SNRNP70: variants seen among roughly 807,000 people sequenced by gnomAD.
SNRNP70 encodes small nuclear ribonucleoprotein U1 subunit 70.
A neutral mutation model predicts 50.5 loss-of-function variants in SNRNP70; 8 were observed. The ratio of observed to expected loss-of-function variants is 0.16; its 90% CI spans 0.09 to 0.29. The LOEUF (loss-of-function observed/expected upper bound fraction) is 0.29. Ranked by LOEUF, SNRNP70 falls within the 10% of genes least tolerant of loss-of-function variation. The probability of loss-of-function intolerance (pLI) is 1.00; values close to 1 mark genes in which losing one functional copy is unlikely to be tolerated. For missense variants in SNRNP70, 529 were observed against 663.5 expected (o/e 0.80, Z 2.23); for synonymous variants, 320 against 252.9 (o/e 1.27, Z -2.52).
intron 4 of SNRNP70, 108 bp from the exon 5 acceptor site, chr19:49,098,319 C>T: frequency 1.1e-6 from 1 of 872,452 alleles, no homozygotes; most frequent in Non-Finnish European, 1.8e-6. Context: ...CAGTTAGGGG[C>T]CTCTCCCAAT....
At position 49,104,486 on chromosome 19, in the gene SNRNP70, T is replaced by C; in HGVS notation, c.476-148T>C. Reference sequence around the variant, plus strand: ...TCACCGGTTTGGGAGAGGGTTGGTCTGGCTGTCAGTTGCCTGGCTGTCTGT... The same window carrying C: ...TCACCGGTTTGGGAGAGGGTTGGTCCGGCTGTCAGTTGCCTGGCTGTCTGT... On this transcript the variant is annotated intron_variant, in intron 7 of 9. Coordinates refer to ENST00000598441, the MANE Select transcript of SNRNP70 (RefSeq NM_003089.6). This position sits in a 1 kb window ranked among gnomAD's most constrained non-coding sequence, Gnocchi z 5.4. 1.5e-6 allele frequency: 1 copy of C among 660,318 alleles called. No homozygotes were observed. The highest frequency in any genetic ancestry group is 2.7e-6 in the Non-Finnish European group (1 of 365,606). The allele number at this position is 660,318 out of a possible 1,614,324, so 40.9% of individuals were successfully genotyped here.
In SNRNP70 at chr19:49,098,446, C is replaced by T. The variant is rs374423208; in HGVS notation, c.285C>T (p.Pro95=). Residue 95 remains proline (P), a synonymous_variant, in exon 5 of 10, where the codon CCC becomes CCT. Transcript: ENST00000598441. ...ELKMWDPHND[P]NAQGDAFKTL... ...GCACAGGGGACCCTCACAATGATCC[C>T]AATGCTCAGGGGGATGCCTTCAAGA... 1 of 1,613,620 alleles carries T rather than the reference C, an allele frequency of 6.2e-7. No homozygotes were observed. Among genetic ancestry groups the T allele is most frequent in the South Asian group, 1.1e-5 (1 of 91,026 alleles).
At chr19:49,098,565 C>T in intron 5 of SNRNP70, 74 bp downstream of exon 5, 1 of 1,591,482 alleles carries the variant, frequency 6.3e-7, no homozygotes, top group Non-Finnish European at 8.6e-7. Flanking sequence ...GTCAAATAGG[C>T]TAGGTACAGG....
intron 2 of SNRNP70, among the ~76,000 whole-genome samples, chr19:49,089,369 G>T (rs567735147): frequency 4.8e-4 from 73 of 151,976 alleles, no homozygotes; most frequent in Non-Finnish European, 1.0e-4. Context: ...ACGGGCACAG[G>T]GGGGAAAGCA....
intron 6 of SNRNP70, among the ~76,000 whole-genome samples, chr19:49,100,492 C>T (rs1481431419): frequency 6.6e-6 from 1 of 152,156 alleles, no homozygotes; most frequent in African/African-American, 2.4e-5. Context: ...GTGCACGTGT[C>T]CTTTCTTTTT....
intron 4 of SNRNP70, among the ~76,000 whole-genome samples, chr19:49,097,837 T>C (rs2040531923): frequency 1.3e-5 from 2 of 152,158 alleles, no homozygotes; most frequent in South Asian, 4.1e-4. Flanking sequence ...GAATCTGATC[T>C]GACGCTAGTC....
intron 8 of SNRNP70, among the ~76,000 whole-genome samples, chr19:49,105,241 G>A (rs1162643133): frequency 2.0e-5 from 3 of 152,080 alleles, no homozygotes; most frequent in Admixed American, 2.0e-4. Context: ...TCTGCCCTCT[G>A]AGCCTCCTGC....
Position 49,104,853 on chromosome 19 carries a change from C to A in SNRNP70, c.577+118C>A. 2 of 618,146 alleles carry A rather than the reference C, an allele frequency of 3.2e-6. No individual in the cohort carries two copies. Among genetic ancestry groups the A allele is most frequent in the South Asian group, 4.1e-5 (2 of 48,622 alleles). 38.3% of individuals were successfully genotyped at this position (618,146 alleles called of 1,614,324 possible). A position where few individuals can be genotyped will look rare whatever the true frequency, so the allele number is the denominator to read the frequency against. ...TGCCGGCCCACCTCTCCCATCGCGT[C>A]CTCATCTCCGGCTTCTCTCTCTTGT... is the stretch of plus-strand genomic sequence containing the variant. On this transcript the variant is annotated intron_variant, in intron 8 of 9. Transcript: ENST00000598441. This position sits in a 1 kb window ranked among gnomAD's most constrained non-coding sequence, Gnocchi z 5.4.
In SNRNP70 at chr19:49,108,071, C is replaced by G. The variant is rs756781409; in HGVS notation, c.942C>G (p.Gly314=). The G allele has an allele frequency of 6.4e-7, 1 of 1,552,924 alleles. No homozygotes were observed. Among genetic ancestry groups the G allele is most frequent in the African/African-American group, 1.4e-5 (1 of 73,540 alleles). Residue 314 remains glycine (G), a synonymous_variant, in exon 10 of 10, where the codon GGC becomes GGG. Transcript: ENST00000598441. The stretch of plus-strand genomic sequence containing the variant: ...AGGAGGAGCTGCGTGGCGGCGGTGG[C>G]GACATGGCGGAGCCCTCCGAGGCGG... The part of the protein sequence containing the change: ...ERKEELRGGG[G]DMAEPSEAGD...
intron 4 of SNRNP70, among the ~76,000 whole-genome samples, chr19:49,096,062 CGTTTTTT>C (rs993863911): frequency 1.4e-5 from 2 of 147,610 alleles, no homozygotes; most frequent in Admixed American, 6.8e-5. Context: ...TGGCAAGGAA[CGTTTTTT>C]GTTTTTTGTT....
chr19:49,104,547 G>A lies in SNRNP70; in HGVS notation c.476-87G>A, dbSNP rs1321860598. On this transcript the variant is annotated intron_variant, in intron 7 of 9. Coordinates refer to ENST00000598441, the MANE Select transcript of SNRNP70 (RefSeq NM_003089.6). The surrounding 1 kb of genome is among the most constrained non-coding windows in gnomAD (Gnocchi z 5.4). Reference sequence around the variant, plus strand: ...CGTGTGCGTGATGATGGGGACACGGGGCGGGGATTCTGTAGAGCTGGGCCT... The same window carrying A: ...CGTGTGCGTGATGATGGGGACACGGAGCGGGGATTCTGTAGAGCTGGGCCT... 1 of 993,174 alleles carries A rather than the reference G, an allele frequency of 1.0e-6. No homozygotes were observed. The highest frequency in any genetic ancestry group is 1.6e-5 in the African/African-American group (1 of 62,224). The allele number at this position is 993,174 out of a possible 1,614,324, so 61.5% of individuals were successfully genotyped here. A position where few individuals can be genotyped will look rare whatever the true frequency, so the allele number is the denominator to read the frequency against.
intron 4 of SNRNP70, among the ~76,000 whole-genome samples, chr19:49,093,418 C>T (rs1460953106): frequency 2.0e-5 from 3 of 151,292 alleles, no homozygotes; most frequent in Non-Finnish European, 4.4e-5. Flanking sequence ...TCCACCCGGG[C>T]GTGGTGGCTC....
At chr19:49,102,869 A>G (rs1044038693) in intron 7 of SNRNP70, 1 of 152,586 alleles carries the variant, frequency 6.6e-6, no homozygotes, top group Admixed American at 6.5e-5. Context: ...ACACAATCAC[A>G]TGTTTTCTTT....
In SNRNP70 at chr19:49,101,869, TC is replaced by T. The variant is rs969071342; in HGVS notation, c.475+406del. The stretch of plus-strand genomic sequence containing the variant: ...ACTGGCCTTTGAACCTGCCCTCTCT[TC>T]CCCCCCCAGTAGAACTGGGGCTGGG... On this transcript the variant is annotated intron_variant, in intron 7 of 9. Transcript: ENST00000598441. 5.0e-3 allele frequency among the ~76,000 whole-genome samples: 744 copies of T among 149,204 alleles called. 8 individuals are homozygous for T. Among genetic ancestry groups the T allele is most frequent in the Middle Eastern group, 0.018 (5 of 284 alleles).
chr19:49,108,342 G>A lies in SNRNP70; in HGVS notation c.1213G>A (p.Gly405Ser). The change falls in exon 10 of 10, where the codon GGT becomes AGT. Residue 405 changes from glycine to serine, a missense_variant. Physicochemically the swap from Gly to Ser is moderately conservative, Grantham distance 56. This residue lies in a region of SNRNP70 where 327 missense variants were observed against 308.8 expected (regional missense o/e 1.06). Coordinates refer to ENST00000598441, the MANE Select transcript of SNRNP70 (RefSeq NM_003089.6). ...GGGGQDNGLE[G>S]LGNDSRDMYM... ...CGGTGGCCAGGACAACGGGCTGGAG[G>A]GTCTGGGCAACGACAGCCGAGACAT... is the stretch of plus-strand genomic sequence containing the variant. 1.9e-6 allele frequency: 3 copies of A among 1,606,184 alleles called. No homozygotes were observed. The highest frequency in any genetic ancestry group is 1.7e-5 in the Admixed American group (1 of 59,196).
chr19:49,105,091 T>C (rs975948162), intron 8 of SNRNP70, among the ~76,000 whole-genome samples: 4 of 152,096 alleles, frequency 2.6e-5, no homozygotes, highest in African/African-American at 9.7e-5. Context: ...CAGTGACGCA[T>C]GCTGGGGTTG....
Position 49,107,712 on chromosome 19 carries a change from G to A in SNRNP70, c.665G>A (p.Arg222Lys). ...GATGACACCTCCCGCTACGATGAGA[G>A]GTAAGATTGGGCGACCGGTGTCCTG... ...GRDDTSRYDE[R>K]PGPSPLPHRD... The change falls in exon 9 of 10, where the codon AGG becomes AAG. Residue 222 changes from arginine (R) to lysine (K), a missense_variant and splice_region_variant. Physicochemically the swap from Arg to Lys is conservative, Grantham distance 26 (BLOSUM62 2). This residue lies in a region of SNRNP70 where 53 missense variants were observed against 78.6 expected (regional missense o/e 0.67). Coordinates refer to ENST00000598441, the MANE Select transcript of SNRNP70 (RefSeq NM_003089.6). The surrounding 1 kb of genome is among the most constrained non-coding windows in gnomAD (Gnocchi z 6.0). The A allele has an allele frequency of 6.2e-7, 1 of 1,614,058 alleles. No individual in the cohort carries two copies. The highest frequency in any genetic ancestry group is 1.1e-5 in the South Asian group (1 of 91,088).
chr19:49,092,855 C>T (rs988969845), intron 4 of SNRNP70, among the ~76,000 whole-genome samples: 67 of 150,582 alleles, frequency 4.4e-4, no homozygotes, highest in African/African-American at 1.5e-3. Flanking sequence ...CTTGCCTCAG[C>T]CTCCCTCAGT....
Position 49,104,752 on chromosome 19 carries a change from T to G in SNRNP70, c.577+17T>G. The G allele has an allele frequency of 6.6e-7, 1 of 1,504,228 alleles. No homozygotes were observed. The highest frequency in any genetic ancestry group is 9.0e-7 in the Non-Finnish European group (1 of 1,115,930). The allele number at this position is 1,504,228 out of a possible 1,614,324, so 93.2% of individuals were successfully genotyped here. A position where few individuals can be genotyped will look rare whatever the true frequency, so the allele number is the denominator to read the frequency against. The stretch of plus-strand genomic sequence containing the variant: ...GGCGGCTAGGTGAGCACATCCTGCC[T>G]TCGACGGGCTCTCGGGGGCCCTGGG... On this transcript the variant is annotated intron_variant, in intron 8 of 9. Coordinates refer to ENST00000598441, the MANE Select transcript of SNRNP70 (RefSeq NM_003089.6). The surrounding 1 kb of genome is among the most constrained non-coding windows in gnomAD (Gnocchi z 5.4).
Sources: gnomAD v4.1 joint callset for allele counts (sites outside exome capture counted in the v4.1 genomes callset) on GRCh38, gnomAD v4.1.1 for gene constraint, gnomAD v4.1.1 regional missense constraint, Gnocchi (gnomAD v3.1) non-coding constraint, MANE v1.5 for transcripts, NCBI Gene and HGNC (gene_info 2026-07-23, HGNC 2026-07-21) for gene names.